ANXA13: variants seen among roughly 807,000 people sequenced by gnomAD.
ANXA13 encodes annexin XIII.
In ANXA13, 36 loss-of-function variants were observed where a neutral mutation model predicts 46.6. The observed-to-expected ratio is 0.77, with a 90% confidence interval of 0.59 to 1.02. The LOEUF is 1.02. Ranked by LOEUF, ANXA13 falls within the 50% of genes least tolerant of loss-of-function variation. The pLI is 0.00. For synonymous variants in ANXA13, 163 were observed against 152.9 expected (o/e 1.07, Z -0.49); for missense variants, 417 against 396.5 (o/e 1.05, Z -0.44).
intron 2 of ANXA13, chr8:123,712,387 T>G (rs964558812): frequency 4.4e-6 from 2 of 453,036 alleles, no homozygotes; most frequent in Admixed American, 6.8e-5. Flanking sequence ...AACAGACTAA[T>G]ACACCAGGAT....
Position 123,698,521 on chromosome 8 carries a change from G to A in ANXA13, c.225C>T (p.Asn75=), listed in dbSNP as rs150888735. The A allele has an allele frequency of 6.2e-4, 1,006 of 1,614,110 alleles. 2 individuals are homozygous for A. The highest frequency in any genetic ancestry group is 7.9e-4 in the Non-Finnish European group (932 of 1,180,046). Residue 75 remains asparagine, a synonymous_variant, in exon 4 of 11, where the codon AAC becomes AAT. Transcript: ENST00000419625. The part of the protein sequence containing the change: ...EEVLKSELSG[N]FEKTALALLD... ...GAAGGGCCAACGCTGTCTTCTCGAA[G>A]TTTCCACTCAGCTCACTCTTGAGTA... is the stretch of plus-strand genomic sequence containing the variant.
intron 9 of ANXA13, among the ~76,000 whole-genome samples, chr8:123,686,470 A>G (rs7387187): frequency 2.0e-5 from 3 of 148,806 alleles, no homozygotes; most frequent in Admixed American, 1.3e-4. Flanking sequence ...AAAAAAAAAA[A>G]AAAGAAAGAA....
At chr8:123,712,451 G>T in intron 2 of ANXA13, 1 of 561,018 alleles carries the variant, frequency 1.8e-6, no homozygotes, top group Non-Finnish European at 3.2e-6. Context: ...CAAATTAAAC[G>T]TCACAATATC....
chr8:123,687,423 CAT>C (rs901930339), intron 9 of ANXA13, among the ~76,000 whole-genome samples: 8 of 152,142 alleles, frequency 5.3e-5, no homozygotes, highest in African/African-American at 1.7e-4. Flanking sequence ...ATTTTTCACA[CAT>C]GTCTGCAATT....
rs969688638 is a variant in ANXA13, at chr8:123,698,347, T to C, written c.357+42A>G. On this transcript the variant is annotated intron_variant, in intron 4 of 10. Transcript: ENST00000419625. Reference sequence around the variant, plus strand: ...TTCTGGGGGGCTGCAACCATCTCTATTGGGTGTGTGATGCTCCCTTGCGGG... The same window carrying C: ...TTCTGGGGGGCTGCAACCATCTCTACTGGGTGTGTGATGCTCCCTTGCGGG... 3 of 1,603,908 alleles carry C rather than the reference T, an allele frequency of 1.9e-6. No individual in the cohort carries two copies. The African/African-American group carries it at 4.0e-5, about 21-fold the overall frequency.
intron 1 of ANXA13, among the ~76,000 whole-genome samples, chr8:123,722,368 AAG>A (rs1554595368): frequency 0.012 from 1,792 of 148,508 alleles, 31 homozygotes; most frequent in African/African-American, 0.042. Flanking sequence ...GAAAGAAAGA[AAG>A]AAAGAAAGAA....
chr8:123,737,276 C>T (rs200151374), intron 1 of ANXA13, 44 bp downstream of exon 1: 338 of 1,593,242 alleles, frequency 2.1e-4, no homozygotes, highest in Non-Finnish European at 2.6e-4. Flanking sequence ...CTTCCACATG[C>T]TAACCAAAAT....
chr8:123,707,282 T>A (rs753408641), intron 2 of ANXA13, among the ~76,000 whole-genome samples: 1 of 152,224 alleles, frequency 6.6e-6, no homozygotes, highest in African/African-American at 2.4e-5. Context: ...TTGTATGTGA[T>A]ATTCAGATGG....
At chr8:123,697,908 C>T (rs1422854591) in intron 4 of ANXA13, among the ~76,000 whole-genome samples, 1 of 152,242 alleles carries the variant, frequency 6.6e-6, no homozygotes, top group Non-Finnish European at 1.5e-5. Flanking sequence ...ACACACAACC[C>T]TTCAGGGTAG....
chr8:123,718,106 A>T (rs895872172), intron 1 of ANXA13, among the ~76,000 whole-genome samples: 1 of 152,202 alleles, frequency 6.6e-6, no homozygotes, highest in African/African-American at 2.4e-5. Flanking sequence ...TAACTATGGT[A>T]AATGGGGATA....
At chr8:123,702,478 G>A (rs1023657945) in intron 3 of ANXA13, among the ~76,000 whole-genome samples, 164 bp downstream of exon 3, 1 of 152,172 alleles carries the variant, frequency 6.6e-6, no homozygotes, top group Admixed American at 6.5e-5. Context: ...AGCAATTTCA[G>A]TTTTTCTGAA....
chr8:123,707,074 C>T lies in ANXA13; in HGVS notation c.92-4338G>A, dbSNP rs116464688. On this transcript the variant is annotated intron_variant, in intron 2 of 10. Transcript: ENST00000419625. ...CTGCCAGGACACATGGCAAATTCCA[C>T]GGGAGCAGAGTATTTTGTTCACCAT... 9.6e-3 allele frequency among the ~76,000 whole-genome samples: 1,460 copies of T among 152,310 alleles called. 18 individuals carry two copies. The highest frequency in any genetic ancestry group is 0.034 in the African/African-American group (1,394 of 41,552).
In ANXA13 at chr8:123,698,386, G is replaced by T; in HGVS notation, c.357+3C>A. ...CTCCCTTGCGGGCTCAGCTGGGACT[G>T]ACCTTATTGGTCCTCGTGCACAGGA... On this transcript the variant is annotated splice_donor_region_variant and intron_variant, in intron 4 of 10. Transcript: ENST00000419625. The T allele has an allele frequency of 6.2e-7, 1 of 1,613,880 alleles. No homozygotes were observed. Among genetic ancestry groups the T allele is most frequent in the South Asian group, 1.1e-5 (1 of 91,042 alleles).
chr8:123,706,778 T>A (rs538027945), intron 2 of ANXA13, among the ~76,000 whole-genome samples: 1 of 152,336 alleles, frequency 6.6e-6, no homozygotes, highest in Non-Finnish European at 1.5e-5. Flanking sequence ...GGGGGGCCTA[T>A]GGGGCCTTTT....
chr8:123,709,704 G>C (rs3824248), intron 2 of ANXA13, among the ~76,000 whole-genome samples: 91,981 of 151,840 alleles, frequency 0.61, 28,361 homozygotes, highest in African/African-American at 0.67. Context: ...CTGCAGACTT[G>C]TCAACATTTC....
chr8:123,711,578 G>C (rs1389926618), intron 2 of ANXA13: 3 of 151,874 alleles, frequency 2.0e-5, no homozygotes, highest in Non-Finnish European at 4.4e-5. Flanking sequence ...ACCCTTGATG[G>C]TTGATCTTGG....
chr8:123,722,811 A>C (rs752949114), intron 1 of ANXA13, among the ~76,000 whole-genome samples: 28 of 152,152 alleles, frequency 1.8e-4, no homozygotes, highest in Admixed American at 1.2e-3. Flanking sequence ...CAGGGGAGGA[A>C]GTGGCCCTTC....
In ANXA13 at chr8:123,735,986, G is replaced by A. The variant is rs1444652210; in HGVS notation, c.15+1334C>T. On this transcript the variant is annotated intron_variant, in intron 1 of 10. Coordinates refer to ENST00000419625, the MANE Select transcript of ANXA13 (RefSeq NM_004306.4). ...ATTATCCTCCTAAGCTGTGAATGCA[G>A]GGTCCATTGATTATTCCTGGGGTCC... 4.9e-6 allele frequency: 6 copies of A among 1,235,530 alleles called. No homozygotes were observed. The African/African-American group carries it at 7.7e-5, about 16-fold the overall frequency. 76.5% of individuals were successfully genotyped at this position (1,235,530 alleles called of 1,614,324 possible).
chr8:123,686,470 A>AG (rs1554591808), intron 9 of ANXA13, among the ~76,000 whole-genome samples: 2 of 148,806 alleles, frequency 1.3e-5, no homozygotes, highest in African/African-American at 5.0e-5. Context: ...AAAAAAAAAA[A>AG]AAAGAAAGAA....
Sources: allele counts gnomAD v4.1 joint callset (sites outside exome capture counted in the v4.1 genomes callset), GRCh38; gene constraint gnomAD v4.1.1; transcripts MANE v1.5; gene names NCBI Gene and HGNC (gene_info 2026-07-23, HGNC 2026-07-21).